GNAO1: variants seen among roughly 807,000 people sequenced by gnomAD.
GNAO1 encodes G protein subunit alpha o1.
For synonymous variants in GNAO1, 164 were observed against 180.7 expected, an observed-to-expected ratio of 0.91 and a Z score of 0.74; for missense variants, 166 against 478.7, an observed-to-expected ratio of 0.35 and a Z score of 6.10.
chr16:56,305,395 G>C (rs1434321715), intron 3 of GNAO1, among the ~76,000 whole-genome samples: 1 of 152,152 alleles, frequency 6.6e-6, no homozygotes, highest in Admixed American at 6.5e-5. Context: ...AAAAACTTTT[G>C]CTTTAGATTG....
chr16:56,331,518 C>T (rs564756487), intron 4 of GNAO1, among the ~76,000 whole-genome samples: 1 of 152,116 alleles, frequency 6.6e-6, no homozygotes, highest in South Asian at 2.1e-4. Context: ...TCAGCCTCCT[C>T]CCACTCAGGG....
At chr16:56,243,055 G>T (rs997826185) in intron 2 of GNAO1, among the ~76,000 whole-genome samples, 1 of 151,892 alleles carries the variant, frequency 6.6e-6, no homozygotes, top group African/African-American at 2.4e-5. Context: ...GATCTAGGTT[G>T]CATGCTTCTT....
At chr16:56,340,781 G>T in intron 6 of GNAO1, 1 of 1,562,432 alleles carries the variant, frequency 6.4e-7, no homozygotes, top group South Asian at 1.2e-5. Context: ...GGCCGCGGTG[G>T]GTCAGGGCCC....
At position 56,351,552 on chromosome 16, in the gene GNAO1, G is replaced by A; in HGVS notation, c.877+15G>A. 1 of 1,604,660 alleles carries A rather than the reference G, an allele frequency of 6.2e-7. No individual in the cohort carries two copies. The highest frequency in any genetic ancestry group is 8.5e-7 in the Non-Finnish European group (1 of 1,175,090). The stretch of plus-strand genomic sequence containing the variant: ...TGAATACACAGGTGGGTGCCAGGCA[G>A]TCCTGTGCAGGGGGAAGCCTGCCCC... On this transcript the variant is annotated intron_variant, in intron 7 of 8. Transcript: ENST00000262493. This position sits in a 1 kb window ranked among gnomAD's most constrained non-coding sequence, Gnocchi z 6.1.
chr16:56,324,656 C>T (rs1470195087), intron 3 of GNAO1, among the ~76,000 whole-genome samples: 2 of 152,350 alleles, frequency 1.3e-5, no homozygotes, highest in Non-Finnish European at 2.9e-5. Context: ...ACCCAAAGCC[C>T]AGGCCCCAGG....
At chr16:56,272,241 A>G (rs2037024767) in intron 2 of GNAO1, among the ~76,000 whole-genome samples, 1 of 152,140 alleles carries the variant, frequency 6.6e-6, no homozygotes, top group South Asian at 2.1e-4. Context: ...CCAAGGAGGC[A>G]GAGCTTGCAG....
At chr16:56,319,264 A>T (rs899235) in intron 3 of GNAO1, among the ~76,000 whole-genome samples, 121,526 of 152,140 alleles carry the variant, frequency 0.8, 49,026 homozygotes, top group East Asian at 0.95. Context: ...GTGGAGAATG[A>T]GGTCTTCTAT....
intron 2 of GNAO1, among the ~76,000 whole-genome samples, chr16:56,260,664 G>A (rs1459310139): frequency 6.6e-6 from 1 of 152,024 alleles, no homozygotes; most frequent in Non-Finnish European, 1.5e-5. Flanking sequence ...CTAGAGAGGG[G>A]ATCGATGTGG....
chr16:56,208,426 T>C (rs1567438590), intron 2 of GNAO1, among the ~76,000 whole-genome samples: 1 of 96,006 alleles, frequency 1.0e-5, no homozygotes, highest in Non-Finnish European at 2.1e-5. Context: ...TCAATGTGTG[T>C]GTGTGTGTGT....
At chr16:56,256,686 GTCTCTCTC>G (rs1172369417) in intron 2 of GNAO1, among the ~76,000 whole-genome samples, 237 of 136,506 alleles carry the variant, frequency 1.7e-3, no homozygotes, top group South Asian at 9.6e-3. Flanking sequence ...CTTTCTCTCT[GTCTCTCTC>G]TCTCTCTCTC....
chr16:56,213,249 C>T, intron 2 of GNAO1: 1 of 356,330 alleles, frequency 2.8e-6, no homozygotes, highest in South Asian at 1.4e-4. Context: ...TTTCTTTCTT[C>T]TTTTTTTTTT....
intron 3 of GNAO1, among the ~76,000 whole-genome samples, chr16:56,284,908 G>A (rs1446758001): frequency 3.3e-5 from 5 of 152,188 alleles, no homozygotes; most frequent in Admixed American, 6.5e-5. Flanking sequence ...CCTCCACAGC[G>A]TTTGCCATGC....
intron 2 of GNAO1, among the ~76,000 whole-genome samples, chr16:56,236,550 G>C (rs2143413358): frequency 6.6e-6 from 1 of 152,256 alleles, no homozygotes; most frequent in African/African-American, 2.4e-5. Context: ...ACATCAGAGA[G>C]ACGAAGTACC....
chr16:56,229,640 G>C (rs1326948739), intron 2 of GNAO1, among the ~76,000 whole-genome samples: 2 of 152,232 alleles, frequency 1.3e-5, no homozygotes, highest in South Asian at 4.1e-4. Flanking sequence ...TGGATGGATG[G>C]ATGGATGGAT....
intron 6 of GNAO1, chr16:56,346,844 C>A: frequency 1.0e-6 from 1 of 985,498 alleles, no homozygotes; most frequent in Non-Finnish European, 1.2e-6. Flanking sequence ...TTCCAACTTG[C>A]AAGCCCTGTA....
intron 3 of GNAO1, among the ~76,000 whole-genome samples, chr16:56,287,937 G>A (rs1417705707): frequency 1.3e-5 from 2 of 152,190 alleles, no homozygotes; most frequent in African/African-American, 4.8e-5. Flanking sequence ...ATGGCGCGCT[G>A]CATAGACCGT....
At chr16:56,203,253 A>G (rs2036296505) in intron 2 of GNAO1, among the ~76,000 whole-genome samples, 2 of 152,018 alleles carry the variant, frequency 1.3e-5, no homozygotes, top group Non-Finnish European at 2.9e-5. Context: ...TGCTGCTTGA[A>G]GAGAGAAGTA....
intron 2 of GNAO1, among the ~76,000 whole-genome samples, chr16:56,241,929 A>G (rs2036697690): frequency 6.6e-6 from 1 of 152,262 alleles, no homozygotes; most frequent in Non-Finnish European, 1.5e-5. Context: ...GGGAAGCTAC[A>G]CTGGGAAGAT....
Position 56,198,391 on chromosome 16 carries a change from G to A in GNAO1, c.161+5775G>A, listed in dbSNP as rs548578852. ...CTGTGATTAGCACTGAGGGGAAGGA[G>A]AGGAGAGAGCAGTGGCTTGTTAACT... is the stretch of plus-strand genomic sequence containing the variant. On this transcript the variant is annotated intron_variant, in intron 2 of 8. Transcript: ENST00000262493. Among the ~76,000 whole-genome samples, 59 of 152,348 alleles carry A rather than the reference G, an allele frequency of 3.9e-4. No individual in the cohort carries two copies. In the Middle Eastern group the frequency reaches 0.01, roughly 26 times the overall value.
Sources: allele counts gnomAD v4.1 joint callset (sites outside exome capture counted in the v4.1 genomes callset), GRCh38; gene constraint gnomAD v4.1.1; non-coding constraint Gnocchi (gnomAD v3.1); transcripts MANE v1.5; gene names NCBI Gene and HGNC (gene_info 2026-07-23, HGNC 2026-07-21).